Variants in FERRY3 observed in about 807,000 individuals in gnomAD.
FERRY3 encodes the protein protein C12orf4.
At chr12:4,516,987 T>C in the FERRY3 span, 1 of 1,201,876 alleles carries the variant, frequency 8.3e-7, no homozygotes, top group South Asian at 3.4e-5. Context: ...TAATTTTCTA[T>C]ATGATCTTAA....
chr12:4,518,053 C>T, the FERRY3 span: 1 of 1,594,122 alleles, frequency 6.3e-7, no homozygotes, highest in Non-Finnish European at 8.6e-7. Context: ...ATGATGTTAA[C>T]TTACCTCTTT....
At chr12:4,538,219 C>T in the FERRY3 span, among the ~76,000 whole-genome samples, 24 of 152,260 alleles carry the variant, frequency 1.6e-4, 1 homozygote, top group East Asian at 4.4e-3. Flanking sequence ...GAAGGTTTCC[C>T]ATAAGAAAAT....
chr12:4,516,678 T>C, the FERRY3 span, among the ~76,000 whole-genome samples: 2 of 152,096 alleles, frequency 1.3e-5, no homozygotes, highest in African/African-American at 2.4e-5. Context: ...CACGGACGCA[T>C]TGTGGGGAAC....
chr12:4,525,052 A>T, the FERRY3 span: 1 of 545,090 alleles, frequency 1.8e-6, no homozygotes. Flanking sequence ...GTTCTATTTC[A>T]AACTAACCAA....
chr12:4,525,651 TCAAA>T, the FERRY3 span: 16 of 1,098,130 alleles, frequency 1.5e-5, no homozygotes, highest in Non-Finnish European at 2.0e-5. Context: ...TTCAGATTCA[TCAAA>T]CAATCTCTAT....
chr12:4,490,707 G>T, the FERRY3 span: 1 of 741,476 alleles, frequency 1.3e-6, no homozygotes, highest in Non-Finnish European at 2.2e-6. Flanking sequence ...TTTTTAGGTA[G>T]CCATTTGCTC....
chr12:4,534,340 C>A, the FERRY3 span: 1 of 1,558,806 alleles, frequency 6.4e-7, no homozygotes, highest in South Asian at 1.2e-5. Flanking sequence ...TCAGCAAAAT[C>A]CAGGTATAAA....
the FERRY3 span, among the ~76,000 whole-genome samples, chr12:4,516,260 A>T: frequency 6.6e-6 from 1 of 152,202 alleles, no homozygotes; most frequent in Non-Finnish European, 1.5e-5. Flanking sequence ...TTCAAGTATA[A>T]CTATAGTACT....
chr12:4,522,005 G>A, the FERRY3 span, among the ~76,000 whole-genome samples: 1 of 152,144 alleles, frequency 6.6e-6, no homozygotes, highest in African/African-American at 2.4e-5. Flanking sequence ...CTATACATTT[G>A]TCCAAACTGA....
At chr12:4,496,459 G>GT in the FERRY3 span, among the ~76,000 whole-genome samples, 2 of 152,180 alleles carry the variant, frequency 1.3e-5, no homozygotes. Flanking sequence ...CTAAATCTTA[G>GT]TAACATGCCT....
the FERRY3 span, chr12:4,500,258 C>T: frequency 8.2e-5 from 133 of 1,613,808 alleles, no homozygotes; most frequent in Admixed American, 1.3e-4. Context: ...TGATGTTTCC[C>T]GATTTCACAT....
At chr12:4,491,203 G>A in the FERRY3 span, 31 of 1,612,952 alleles carry the variant, frequency 1.9e-5, no homozygotes, top group Non-Finnish European at 2.4e-5. Flanking sequence ...CACAAGTTCC[G>A]CTCTCCTTAA....
the FERRY3 span, among the ~76,000 whole-genome samples, chr12:4,530,650 C>T: frequency 6.6e-6 from 1 of 152,162 alleles, no homozygotes; most frequent in Non-Finnish European, 1.5e-5. Context: ...TTGACCTTTT[C>T]TAGTGTTACA....
the FERRY3 span, chr12:4,530,151 C>T: frequency 4.1e-6 from 4 of 976,160 alleles, no homozygotes; most frequent in Non-Finnish European, 6.1e-6. Context: ...ACTTCAATGA[C>T]AGAAAGACCC....
the FERRY3 span, among the ~76,000 whole-genome samples, chr12:4,536,662 G>C: frequency 6.6e-6 from 1 of 152,110 alleles, no homozygotes; most frequent in Non-Finnish European, 1.5e-5. Flanking sequence ...AGATCCGACT[G>C]GGGGAAGGGG....
At chr12:4,532,645 G>A in the FERRY3 span, among the ~76,000 whole-genome samples, 2 of 152,010 alleles carry the variant, frequency 1.3e-5, no homozygotes, top group African/African-American at 2.4e-5. Context: ...AAGATTTCTC[G>A]CTCAATAATC....
At chr12:4,501,217 G>GTAAT in the FERRY3 span, among the ~76,000 whole-genome samples, 1 of 152,132 alleles carries the variant, frequency 6.6e-6, no homozygotes, top group East Asian at 1.9e-4. Context: ...TCATGCTACT[G>GTAAT]TAATTTCTCA....
the FERRY3 span, among the ~76,000 whole-genome samples, chr12:4,507,322 G>A: frequency 6.6e-6 from 1 of 151,968 alleles, no homozygotes; most frequent in East Asian, 1.9e-4. Flanking sequence ...AGAATAAGAG[G>A]GTATACCGAG....
the FERRY3 span, chr12:4,491,245 A>G: frequency 6.2e-7 from 1 of 1,608,862 alleles, no homozygotes; most frequent in African/African-American, 1.3e-5. Flanking sequence ...CTAAAAACAG[A>G]AACAAAACAT....
Sources: gnomAD v4.1 joint callset for allele counts (sites outside exome capture counted in the v4.1 genomes callset) on GRCh38, gnomAD v4.1.1 for gene constraint, MANE v1.5 for transcripts, NCBI Gene and HGNC (gene_info 2026-07-23, HGNC 2026-07-21) for gene names.